TMEM123: variants seen among roughly 807,000 people sequenced by gnomAD.
TMEM123 encodes the protein transmembrane protein 123.
Under a neutral mutation model 19.7 loss-of-function variants are expected in TMEM123, and 16 were observed. The observed-to-expected ratio is 0.81, with a 90% CI of 0.55 to 1.23. TMEM123 has a LOEUF of 1.23. TMEM123 is among the 50% of genes most tolerant of loss of function. The probability of loss-of-function intolerance (pLI) is 0.00; values close to 1 mark genes in which losing one functional copy is unlikely to be tolerated. For synonymous variants in TMEM123, 118 were observed against 99.4 expected (o/e 1.19, Z -1.12); for missense variants, 313 against 257.8 (o/e 1.21, Z -1.47).
Position 102,396,456 on chromosome 11 carries a change from CA to C in TMEM123, c.*2410del, listed in dbSNP as rs1189266037. 6.6e-6 allele frequency: 1 copy of C among 151,966 alleles called. No individual in the cohort carries two copies. Among genetic ancestry groups the C allele is most frequent in the Non-Finnish European group, 1.5e-5 (1 of 67,974 alleles). The allele number at this position is 151,966 out of a possible 1,614,324, so 9.4% of individuals were successfully genotyped here. On this transcript the variant is annotated 3_prime_UTR_variant, in exon 5 of 5. Transcript: ENST00000398136. ...TTTTTTTGTGAAAATACAAAATTAT[CA>C]CTATAATATACTGCCAACTCTGTTT...
intron 2 of TMEM123, among the ~76,000 whole-genome samples, chr11:102,408,225 G>A (rs1169328749): frequency 6.6e-6 from 1 of 152,172 alleles, no homozygotes; most frequent in Non-Finnish European, 1.5e-5. Context: ...CAGCTGCAGT[G>A]TTCAGCCCAC....
intron 2 of TMEM123, among the ~76,000 whole-genome samples, chr11:102,421,270 A>C (rs867166554): frequency 5.4e-4 from 82 of 152,226 alleles, no homozygotes; most frequent in African/African-American, 1.7e-3. Flanking sequence ...AACTTCTCAT[A>C]CTCTAAAATA....
chr11:102,447,334 T>TATAGAATACAACTGGG, intron 2 of TMEM123, among the ~76,000 whole-genome samples: 1 of 152,306 alleles, frequency 6.6e-6, no homozygotes, highest in South Asian at 2.1e-4. Flanking sequence ...AGACATAGGT[T>TATAGAATACAACTGGG]TTAGAATACA....
chr11:102,408,639 C>A (rs575818016), intron 2 of TMEM123, among the ~76,000 whole-genome samples: 2 of 152,306 alleles, frequency 1.3e-5, no homozygotes, highest in South Asian at 2.1e-4. Flanking sequence ...TTCTTTATAA[C>A]CATTAATTTC....
At chr11:102,431,956 G>A (rs1353892926) in intron 2 of TMEM123, among the ~76,000 whole-genome samples, 1 of 152,198 alleles carries the variant, frequency 6.6e-6, no homozygotes, top group Non-Finnish European at 1.5e-5. Flanking sequence ...GGCGCCTTCT[G>A]CCATGATTGT....
Position 102,448,723 on chromosome 11 carries a change from G to A in TMEM123, c.157+89C>T, listed in dbSNP as rs142589185. ...GAACTCAGGGTTAAAACAGGTCAGT[G>A]AACCAGCTTATGCCTACTTCCCTGG... On this transcript the variant is annotated intron_variant, in intron 2 of 4. Coordinates refer to ENST00000398136, the MANE Select transcript of TMEM123 (RefSeq NM_052932.3). The A allele has an allele frequency of 1.4e-4, 190 of 1,315,216 alleles. No homozygotes were observed. The African/African-American group carries it at 2.1e-3, about 15-fold the overall frequency. 81.5% of individuals were successfully genotyped at this position (1,315,216 alleles called of 1,614,324 possible). A position where few individuals can be genotyped will look rare whatever the true frequency, so the allele number is the denominator to read the frequency against.
chr11:102,439,267 G>A (rs1857798635), intron 2 of TMEM123, among the ~76,000 whole-genome samples: 1 of 152,168 alleles, frequency 6.6e-6, no homozygotes. Flanking sequence ...CACAGAGTTT[G>A]AGATCTGAGA....
chr11:102,432,717 C>G (rs1305233601), intron 2 of TMEM123, among the ~76,000 whole-genome samples: 1 of 152,236 alleles, frequency 6.6e-6, no homozygotes, highest in Non-Finnish European at 1.5e-5. Flanking sequence ...CACAGCAGCC[C>G]CTCCCATCAC....
rs752503640 is a variant in TMEM123, at chr11:102,401,632, A to C, written c.509T>G (p.Val170Gly). The C allele has an allele frequency of 6.2e-7, 1 of 1,609,188 alleles. No homozygotes were observed. The highest frequency in any genetic ancestry group is 1.7e-5 in the Admixed American group (1 of 58,564). Residue 170 changes from valine (V) to glycine (G), a missense_variant, in exon 4 of 5, where the codon GTT becomes GGT. Coordinates refer to ENST00000398136, the MANE Select transcript of TMEM123 (RefSeq NM_052932.3). The stretch of plus-strand genomic sequence containing the variant: ...TCCCAGCGTTAATACAATACCACCA[A>C]CAAAGCTCCCAGTATCAAATTTTGA... ...KGSKFDTGSF[V>G]GGIVLTLGVL...
intron 2 of TMEM123, among the ~76,000 whole-genome samples, chr11:102,441,320 G>A (rs1857823720): frequency 6.6e-6 from 1 of 152,156 alleles, no homozygotes; most frequent in African/African-American, 2.4e-5. Context: ...AAATGTAAAA[G>A]AACAGAAATT....
intron 2 of TMEM123, among the ~76,000 whole-genome samples, chr11:102,447,440 G>T (rs1282241147): frequency 6.6e-6 from 1 of 152,194 alleles, no homozygotes; most frequent in Non-Finnish European, 1.5e-5. Context: ...GTGTAAACCA[G>T]AAATGACACC....
intron 2 of TMEM123, among the ~76,000 whole-genome samples, chr11:102,435,221 T>C (rs1440743186): frequency 6.6e-6 from 1 of 151,808 alleles, no homozygotes; most frequent in African/African-American, 2.4e-5. Flanking sequence ...ATTATCTTTA[T>C]AATCACAAAA....
chr11:102,443,001 A>T (rs1468305593), intron 2 of TMEM123, among the ~76,000 whole-genome samples: 1 of 152,246 alleles, frequency 6.6e-6, no homozygotes, highest in Non-Finnish European at 1.5e-5. Flanking sequence ...CATGTGAAGG[A>T]ACTGTTCAAG....
intron 2 of TMEM123, among the ~76,000 whole-genome samples, chr11:102,438,306 C>G (rs1047238594): frequency 6.6e-6 from 1 of 152,170 alleles, no homozygotes; most frequent in African/African-American, 2.4e-5. Context: ...CTCCCCTCAG[C>G]CTCCCAGAGT....
At chr11:102,400,422 T>C (rs926717081) in intron 4 of TMEM123, among the ~76,000 whole-genome samples, 1 of 152,272 alleles carries the variant, frequency 6.6e-6, no homozygotes, top group Non-Finnish European at 1.5e-5. Context: ...TAGTTTACTT[T>C]AGTCAACTGA....
chr11:102,450,925 G>T (rs554325380), intron 1 of TMEM123, among the ~76,000 whole-genome samples: 1 of 152,268 alleles, frequency 6.6e-6, no homozygotes, highest in Admixed American at 6.5e-5. Context: ...TGAAGACTAC[G>T]ATTAACAGTT....
intron 2 of TMEM123, among the ~76,000 whole-genome samples, chr11:102,442,383 T>C (rs1857836559): frequency 6.6e-6 from 1 of 152,234 alleles, no homozygotes. Context: ...GATGCAAGAC[T>C]GGTTCAACAC....
chr11:102,403,219 A>G lies in TMEM123; in HGVS notation c.158-1013T>C, dbSNP rs568366092. On this transcript the variant is annotated intron_variant, in intron 2 of 4. Coordinates refer to ENST00000398136, the MANE Select transcript of TMEM123 (RefSeq NM_052932.3). ...GAGACAAGGTTTTACCATGTTGGCC[A>G]GGCTGGTCTTGAACTCCTGACTTCA... is the stretch of plus-strand genomic sequence containing the variant. 1.7e-4 allele frequency among the ~76,000 whole-genome samples: 26 copies of G among 152,326 alleles called. 1 individual carries two copies. The East Asian group carries it at 4.6e-3, about 27-fold the overall frequency.
intron 2 of TMEM123, among the ~76,000 whole-genome samples, chr11:102,434,005 G>A (rs568260833): frequency 5.3e-5 from 8 of 151,978 alleles, no homozygotes; most frequent in Middle Eastern, 6.8e-3. Context: ...ATAGCAGCGA[G>A]AACAGATAAA....
Sources: gnomAD v4.1 joint callset for allele counts (sites outside exome capture counted in the v4.1 genomes callset) on GRCh38, gnomAD v4.1.1 for gene constraint, MANE v1.5 for transcripts, NCBI Gene and HGNC (gene_info 2026-07-23, HGNC 2026-07-21) for gene names.